The following SLC35D1 variants were observed in gnomAD, a reference collection of about 807,000 sequenced individuals.
The protein encoded by SLC35D1 is nucleotide sugar transporter SLC35D1.
A neutral mutation model predicts 46.7 loss-of-function variants in SLC35D1; 31 were observed. That is an observed-to-expected ratio of 0.66 (90% CI 0.50 to 0.90). SLC35D1 has a LOEUF of 0.90. Among genes scored for constraint, SLC35D1 ranks in the 40% least tolerant of loss-of-function variants. The pLI is 0.00. For synonymous variants in SLC35D1, 195 were observed against 164.6 expected (o/e 1.18, Z -1.41); for missense variants, 397 against 426.2 (o/e 0.93, Z 0.60).
the SLC35D1 span, chr1:66,981,963 A>T: frequency 1.2e-6 from 2 of 1,600,650 alleles, no homozygotes. Flanking sequence ...AATAAGGGAC[A>T]CTTTCTTGCA....
At chr1:66,984,752 A>T in the SLC35D1 span, 5 of 1,613,962 alleles carry the variant, frequency 3.1e-6, no homozygotes, top group African/African-American at 6.7e-5. Flanking sequence ...ACTGCAAGAA[A>T]TGAAAATGAT....
At chr1:66,981,989 C>A in the SLC35D1 span, 1 of 1,532,508 alleles carries the variant, frequency 6.5e-7, no homozygotes, top group Non-Finnish European at 8.9e-7. Flanking sequence ...TTGGGAAATT[C>A]CGTTTGGGTT....
intron 11 of SLC35D1, among the ~76,000 whole-genome samples, chr1:67,007,183 A>G (rs1019683624): frequency 3.9e-5 from 6 of 152,222 alleles, no homozygotes; most frequent in Non-Finnish European, 8.8e-5. Context: ...TTGGGTTGCT[A>G]TAACAAAATA....
At chr1:67,051,742 C>A (rs538600678) in intron 4 of SLC35D1, among the ~76,000 whole-genome samples, 1 of 152,096 alleles carries the variant, frequency 6.6e-6, no homozygotes, top group Non-Finnish European at 1.5e-5. Flanking sequence ...AATTTCCTAT[C>A]ATAGCATTTT....
chr1:67,021,372 A>G (rs533310270), intron 9 of SLC35D1, among the ~76,000 whole-genome samples, 163 bp downstream of exon 9: 11 of 152,194 alleles, frequency 7.2e-5, no homozygotes, highest in Non-Finnish European at 1.3e-4. Context: ...AGTAGCCCTA[A>G]GAGCACATTC....
At chr1:66,978,209 A>AAAAAAG in the SLC35D1 span, among the ~76,000 whole-genome samples, 2 of 149,472 alleles carry the variant, frequency 1.3e-5, no homozygotes, top group Admixed American at 6.6e-5. Flanking sequence ...AAAAAAAAAA[A>AAAAAAG]AAAGATGTGC....
intron 10 of SLC35D1, among the ~76,000 whole-genome samples, chr1:67,018,185 G>C (rs1667724552): frequency 1.3e-5 from 2 of 152,118 alleles, no homozygotes; most frequent in Non-Finnish European, 2.9e-5. Context: ...GATGAAGACA[G>C]GAGGTTGCCT....
At chr1:67,006,339 T>A (rs957024714) in intron 11 of SLC35D1, among the ~76,000 whole-genome samples, 2 of 152,126 alleles carry the variant, frequency 1.3e-5, no homozygotes, top group African/African-American at 4.8e-5. Flanking sequence ...CTGAAGTCTT[T>A]TTTGACTGAA....
intron 1 of SLC35D1, 39 bp from the exon 2 acceptor site, chr1:67,053,028 A>T: frequency 1.2e-6 from 2 of 1,611,704 alleles, no homozygotes; most frequent in Non-Finnish European, 1.7e-6. Flanking sequence ...ATCAGAACAA[A>T]CCTAACTTAG....
downstream of SLC35D1, among the ~76,000 whole-genome samples, chr1:66,995,444 A>AAAAAAAAAAAAAAC: frequency 1.4e-4 from 2 of 14,174 alleles, no homozygotes; most frequent in Non-Finnish European, 2.9e-4. Flanking sequence ...AAAAAAAAAA[A>AAAAAAAAAAAAAAC]AAAAAAAAAA....
the SLC35D1 span, chr1:66,985,366 T>C: frequency 8.1e-6 from 8 of 985,040 alleles, no homozygotes; most frequent in Non-Finnish European, 6.0e-6. Context: ...AAACAGACAT[T>C]TTTCTCACCA....
At chr1:67,042,144 A>G (rs1258135739) in intron 8 of SLC35D1, 92 bp downstream of exon 8, 12 of 1,236,828 alleles carry the variant, frequency 9.7e-6, no homozygotes, top group Non-Finnish European at 1.2e-6. Flanking sequence ...TAATAAGCAT[A>G]TTTCTTTTGA....
chr1:66,999,007 T>TA (rs2102214062), downstream of SLC35D1, among the ~76,000 whole-genome samples: 2 of 152,306 alleles, frequency 1.3e-5, no homozygotes, highest in South Asian at 4.1e-4. Flanking sequence ...TCTTTTTCTT[T>TA]AAAAAAGGTT....
chr1:66,989,769 A>T, the SLC35D1 span, among the ~76,000 whole-genome samples: 6 of 152,156 alleles, frequency 3.9e-5, no homozygotes, highest in African/African-American at 1.4e-4. Flanking sequence ...GAGCTTAAAC[A>T]TTTTTAAAAA....
At chr1:66,975,363 C>CA in the SLC35D1 span, among the ~76,000 whole-genome samples, 1 of 151,928 alleles carries the variant, frequency 6.6e-6, no homozygotes, top group Admixed American at 6.6e-5. Context: ...CCCATCTCTA[C>CA]AAAAAATAGA....
intron 4 of SLC35D1, among the ~76,000 whole-genome samples, chr1:67,050,905 A>G (rs1437222002): frequency 3.3e-5 from 5 of 152,140 alleles, no homozygotes; most frequent in Non-Finnish European, 7.4e-5. Flanking sequence ...CCTTTTGTGG[A>G]TGTAATTTTG....
At chr1:67,023,736 C>G (rs2102289646) in intron 8 of SLC35D1, among the ~76,000 whole-genome samples, 1 of 151,452 alleles carries the variant, frequency 6.6e-6, no homozygotes, top group South Asian at 2.1e-4. Flanking sequence ...TCCGCCCGCC[C>G]TAGCTTCCCA....
intron 10 of SLC35D1, among the ~76,000 whole-genome samples, chr1:67,019,458 A>T (rs763368616): frequency 8.5e-5 from 13 of 152,204 alleles, no homozygotes; most frequent in Non-Finnish European, 1.9e-4. Context: ...CAATTTCATG[A>T]TTTGAAACCA....
chr1:67,004,477 T>C, intron 11 of SLC35D1, 29 bp from the exon 12 acceptor site: 1 of 1,595,528 alleles, frequency 6.3e-7, no homozygotes, highest in Non-Finnish European at 8.6e-7. Context: ...CTATCAGAGA[T>C]GGAGGAAGGG....
Sources: gnomAD v4.1 joint callset for allele counts (sites outside exome capture counted in the v4.1 genomes callset) on GRCh38, gnomAD v4.1.1 for gene constraint, MANE v1.5 for transcripts, NCBI Gene and HGNC (gene_info 2026-07-23, HGNC 2026-07-21) for gene names.